CHI3L2: variants seen among roughly 807,000 people sequenced by gnomAD.
CHI3L2 encodes chitinase 3 like 2.
Under a neutral mutation model 47.3 loss-of-function variants are expected in CHI3L2, and 47 were observed. The ratio of observed to expected loss-of-function variants is 0.99; its 90% CI spans 0.79 to 1.27. The LOEUF (loss-of-function observed/expected upper bound fraction) is 1.27. Ranked by LOEUF, CHI3L2 falls within the 50% of genes most tolerant of loss-of-function variation. The pLI, the probability that CHI3L2 is intolerant of heterozygous loss-of-function variation, is 0.00. For synonymous variants in CHI3L2, 198 were observed against 169.9 expected (o/e 1.17, Z -1.28); for missense variants, 497 against 462.1 (o/e 1.08, Z -0.69).
At chr1:111,237,543 T>A (rs1342769863) in intron 7 of CHI3L2, among the ~76,000 whole-genome samples, 2 of 152,134 alleles carry the variant, frequency 1.3e-5, no homozygotes, top group African/African-American at 4.8e-5. Context: ...CTGGTTGGGG[T>A]TTTCTAGGCC....
At chr1:111,227,812 A>C in intron 1 of CHI3L2, 43 bp downstream of exon 1, 3 of 1,569,776 alleles carry the variant, frequency 1.9e-6, no homozygotes, top group Non-Finnish European at 2.6e-6. Context: ...TTGGTGAGGA[A>C]GGAAGAGGTA....
rs745623461 is a variant in CHI3L2, at chr1:111,242,232, G to A, written c.1041G>A (p.Gln347=). The change falls in exon 10 of 11, where the codon CAG becomes CAA. Residue 347 remains glutamine (Q), a synonymous_variant. Transcript: ENST00000369748. ...DDVKSMETKV[Q]FLKNLNLGGA... ...TCCTTCTGTGTCTCCCATAGGTTCA[G>A]TTCTTAAAGAATTTAAACCTGGGAG... is the stretch of plus-strand genomic sequence containing the variant. The A allele has an allele frequency of 1.2e-6, 2 of 1,614,106 alleles. No individual in the cohort carries two copies.
At position 111,241,444 on chromosome 1, in the gene CHI3L2, G is replaced by A. The variant is rs758374252; in HGVS notation, c.1035+1G>A. The A allele has an allele frequency of 1.1e-5, 17 of 1,493,054 alleles. No homozygotes were observed. Among genetic ancestry groups the A allele is most frequent in the African/African-American group, 1.4e-5 (1 of 73,016 alleles). 92.5% of individuals were successfully genotyped at this position (1,493,054 alleles called of 1,614,324 possible). A position where few individuals can be genotyped will look rare whatever the true frequency, so the allele number is the denominator to read the frequency against. On this transcript the variant is annotated splice_donor_variant, in intron 9 of 10. Transcript: ENST00000369748. LOFTEE classifies it high-confidence loss of function. ...TGATGTGAAGAGTATGGAGACCAAGGTAGGTGGGCCACAGGCAGATACTCC... is the reference window on the plus strand; with the variant it reads ...TGATGTGAAGAGTATGGAGACCAAGATAGGTGGGCCACAGGCAGATACTCC...
At chr1:111,231,424 A>T in intron 4 of CHI3L2, 130 bp downstream of exon 4, 1 of 671,684 alleles carries the variant, frequency 1.5e-6, no homozygotes, top group South Asian at 1.9e-5. Flanking sequence ...GGCAAAACTG[A>T]TCTGAGATTT....
rs768744068 is a variant in CHI3L2, at chr1:111,229,885, A to T, written c.70+4A>T. 3.7e-6 allele frequency: 6 copies of T among 1,613,752 alleles called. No homozygotes were observed. In the South Asian group the frequency reaches 5.5e-5, roughly 15 times the overall value. ...GTCTTGCTGCTTCTCCAGGGAGGTA[A>T]GTAGTCAATAAGTCACTACCGCCTG... is the stretch of plus-strand genomic sequence containing the variant. On this transcript the variant is annotated splice_donor_region_variant and intron_variant, in intron 2 of 10. Transcript: ENST00000369748.
Position 111,230,916 on chromosome 1 carries a change from A to G in CHI3L2, c.245A>G (p.Tyr82Cys). 6.2e-7 allele frequency: 1 copy of G among 1,614,078 alleles called. No homozygotes were observed. ...IIKDKSEVMLYQTINSLKTKN... is the reference protein window; with the variant it reads ...IIKDKSEVMLCQTINSLKTKN... ...AAGGACAAGAGTGAAGTGATGCTCT[A>G]CCAGACCATCAACAGTCTCAAAACC... Residue 82 changes from tyrosine to cysteine, a missense_variant, in exon 3 of 11, where the codon TAC becomes TGC. Physicochemically the swap from Tyr to Cys is radical, Grantham distance 194. Transcript: ENST00000369748.
intron 1 of CHI3L2, among the ~76,000 whole-genome samples, chr1:111,228,092 A>G (rs1015698614): frequency 6.6e-6 from 1 of 152,224 alleles, no homozygotes; most frequent in South Asian, 2.1e-4. Context: ...TGAGCGTTGT[A>G]TTGCGAGTCA....
chr1:111,235,893 C>G, intron 6 of CHI3L2, 130 bp downstream of exon 6: 1 of 1,531,536 alleles, frequency 6.5e-7, no homozygotes, highest in Non-Finnish European at 8.9e-7. Context: ...CTGCATCATT[C>G]AGCCAGGAAC....
At chr1:111,239,835 A>T (rs1659995962) in intron 8 of CHI3L2, among the ~76,000 whole-genome samples, 1 of 152,210 alleles carries the variant, frequency 6.6e-6, no homozygotes, top group Admixed American at 6.5e-5. Context: ...TATCCCAAAC[A>T]CTGGGTACTG....
chr1:111,233,732 G>A (rs1405187624), intron 4 of CHI3L2, among the ~76,000 whole-genome samples: 1 of 151,854 alleles, frequency 6.6e-6, no homozygotes, highest in East Asian at 1.9e-4. Flanking sequence ...TGACAATGGC[G>A]GTTTTGTGGA....
intron 1 of CHI3L2, among the ~76,000 whole-genome samples, chr1:111,228,767 G>A (rs567266627): frequency 2.0e-5 from 3 of 152,272 alleles, no homozygotes; most frequent in African/African-American, 7.2e-5. Flanking sequence ...TTTTGGACCC[G>A]TAAAGGTTTC....
Position 111,242,267 on chromosome 1 carries a change from T to G in CHI3L2, c.1076T>G (p.Ile359Ser), listed in dbSNP as rs759938373. Residue 359 changes from isoleucine (I) to serine (S), a missense_variant, in exon 10 of 11, where the codon ATC becomes AGC. Physicochemically the swap from Ile to Ser is moderately radical, Grantham distance 142. Transcript: ENST00000369748. ...LKNLNLGGAM[I>S]WSIDMDDFTG... ...AATTTAAACCTGGGAGGAGCCATGA[T>G]CTGGTCTATTGACATGGATGACTTC... 8.7e-6 allele frequency: 14 copies of G among 1,614,054 alleles called. 1 individual carries two copies. The African/African-American group carries it at 1.5e-4, about 17-fold the overall frequency.
upstream of CHI3L2, chr1:111,227,669 C>T (rs1007408838): frequency 5.4e-5 from 84 of 1,548,508 alleles, no homozygotes; most frequent in African/African-American, 5.2e-4. Context: ...GACAGGCTGT[C>T]GAAACCTCAG....
At position 111,235,653 on chromosome 1, in the gene CHI3L2, C is replaced by T. The variant is rs1409390636; in HGVS notation, c.495C>T (p.Ala165=). The part of the protein sequence containing the change: ...FTVLIHELAE[A]FQKDFTKSTK... ...GTTTTTCCTAGGAGTTAGCAGAAGC[C>T]TTTCAGAAGGACTTCACAAAATCCA... is the stretch of plus-strand genomic sequence containing the variant. The change falls in exon 6 of 11, where the codon GCC becomes GCT. Residue 165 remains alanine, a synonymous_variant. Coordinates refer to ENST00000369748, the MANE Select transcript of CHI3L2 (RefSeq NM_004000.3). 1.2e-6 allele frequency: 2 copies of T among 1,613,888 alleles called. No homozygotes were observed. The highest frequency in any genetic ancestry group is 3.3e-5 in the Admixed American group (2 of 59,974).
rs1659698922 is a variant in CHI3L2, at chr1:111,230,932, T to C, written c.261T>C (p.Ser87=). The change falls in exon 3 of 11, where the codon AGT becomes AGC. Residue 87 remains serine, a synonymous_variant. Transcript: ENST00000369748. ...SEVMLYQTIN[S]LKTKNPKLKI... Reference sequence around the variant, plus strand: ...TGATGCTCTACCAGACCATCAACAGTCTCAAAACCAAGTGAGTAAGATGGG... The same window carrying C: ...TGATGCTCTACCAGACCATCAACAGCCTCAAAACCAAGTGAGTAAGATGGG... 3.1e-6 allele frequency: 5 copies of C among 1,613,964 alleles called. No homozygotes were observed. The highest frequency in any genetic ancestry group is 4.2e-6 in the Non-Finnish European group (5 of 1,179,888).
chr1:111,229,701 A>AAAAAAAAAAAAC (rs1659649650), intron 1 of CHI3L2, 151 bp from the exon 2 acceptor site: 1 of 1,119,778 alleles, frequency 8.9e-7, no homozygotes, highest in African/African-American at 1.8e-5. Context: ...AAAAAAAAAA[A>AAAAAAAAAAAAC]AAAAGAAACC....
chr1:111,235,862 G>A, intron 6 of CHI3L2, 99 bp downstream of exon 6: 1 of 1,558,670 alleles, frequency 6.4e-7, no homozygotes, highest in Non-Finnish European at 8.7e-7. Flanking sequence ...GAGGAAGAGA[G>A]GGAAGGTCAT....
At chr1:111,229,771 C>A (rs1659654978) in intron 1 of CHI3L2, 81 bp from the exon 2 acceptor site, 1 of 1,600,190 alleles carries the variant, frequency 6.2e-7, no homozygotes, top group East Asian at 2.3e-5. Flanking sequence ...TGTGAGCACA[C>A]CCACATTTTC....
Position 111,235,682 on chromosome 1 carries a change from A to G in CHI3L2, c.524A>G (p.Lys175Arg). 1.2e-6 allele frequency: 2 copies of G among 1,614,218 alleles called. No individual in the cohort carries two copies. The highest frequency in any genetic ancestry group is 1.7e-6 in the Non-Finnish European group (2 of 1,180,028). ...AFQKDFTKST[K>R]ERLLLTAGVS... ...CAGAAGGACTTCACAAAATCCACCA[A>G]GGAAAGGCTTCTCTTGACTGCGGGC... Residue 175 changes from lysine to arginine, a missense_variant, in exon 6 of 11, where the codon AAG (lysine) becomes AGG (arginine). Physicochemically the swap from Lys to Arg is conservative, Grantham distance 26. Coordinates refer to ENST00000369748, the MANE Select transcript of CHI3L2 (RefSeq NM_004000.3).
Sources: gnomAD v4.1 joint callset for allele counts (sites outside exome capture counted in the v4.1 genomes callset) on GRCh38, gnomAD v4.1.1 for gene constraint, MANE v1.5 for transcripts, NCBI Gene and HGNC (gene_info 2026-07-23, HGNC 2026-07-21) for gene names.